Variants in AMPH observed in about 807,000 individuals in gnomAD.
The protein encoded by AMPH is amphiphysin (Stiff-Mann syndrome with breast cancer 128kD autoantigen).
A neutral mutation model predicts 99.1 loss-of-function variants in AMPH; 49 were observed. The ratio of observed to expected loss-of-function variants is 0.49; its 90% confidence interval spans 0.39 to 0.63. The LOEUF is 0.63. Ranked by LOEUF, AMPH falls within the 20% of genes least tolerant of loss-of-function variation. AMPH has a pLI of 0.00. For missense variants in AMPH, 759 were observed against 863.4 expected (o/e 0.88, Z 1.52); for synonymous variants, 314 against 317.3 (o/e 0.99, Z 0.11).
At chr7:38,553,124 C>T (rs1396377496) in intron 1 of AMPH, among the ~76,000 whole-genome samples, 1 of 152,182 alleles carries the variant, frequency 6.6e-6, no homozygotes, top group Non-Finnish European at 1.5e-5. Context: ...GTCTGGAGAC[C>T]TCTCCTTTAT....
intron 1 of AMPH, among the ~76,000 whole-genome samples, chr7:38,562,122 G>A (rs1336205904): frequency 2.0e-5 from 3 of 152,062 alleles, no homozygotes; most frequent in Non-Finnish European, 4.4e-5. Context: ...TTCATGGAAG[G>A]AAACGTGAGG....
intron 2 of AMPH, among the ~76,000 whole-genome samples, chr7:38,513,462 T>C (rs1308407992): frequency 6.6e-6 from 1 of 152,122 alleles, no homozygotes; most frequent in African/African-American, 2.4e-5. Flanking sequence ...GAATACCAAT[T>C]GGGTTGAGAG....
intron 17 of AMPH, among the ~76,000 whole-genome samples, chr7:38,412,324 G>A (rs564160438): frequency 6.6e-6 from 1 of 152,238 alleles, no homozygotes; most frequent in South Asian, 2.1e-4. Flanking sequence ...CCTCAATAGT[G>A]GAAGAACAAC....
intron 1 of AMPH, among the ~76,000 whole-genome samples, chr7:38,570,927 T>TTATA (rs142367196): frequency 0.041 from 819 of 19,988 alleles, 92 homozygotes; most frequent in African/African-American, 0.066. Flanking sequence ...ACAAAAAAAT[T>TTATA]TATATATATA....
chr7:38,535,119 C>T, intron 1 of AMPH, 108 bp from the exon 2 acceptor site: 1 of 869,952 alleles, frequency 1.1e-6, no homozygotes, highest in Non-Finnish European at 1.8e-6. Flanking sequence ...AGGAGTAGAG[C>T]AAAACTATCA....
At chr7:38,392,057 G>C (rs1214697399) in intron 18 of AMPH, 40 bp from the exon 19 acceptor site, 1 of 1,592,048 alleles carries the variant, frequency 6.3e-7, no homozygotes, top group East Asian at 2.2e-5. Flanking sequence ...GGCAGGGCCT[G>C]GAAAACAGAA....
At chr7:38,435,526 G>A (rs35771266) in intron 12 of AMPH, among the ~76,000 whole-genome samples, 47,697 of 152,050 alleles carry the variant, frequency 0.31, 8,551 homozygotes, top group Non-Finnish European at 0.42. Context: ...AACAGTTTCT[G>A]TTTTGTCAAA....
At chr7:38,592,767 T>A (rs1225756506) in intron 1 of AMPH, among the ~76,000 whole-genome samples, 1 of 151,434 alleles carries the variant, frequency 6.6e-6, no homozygotes, top group Admixed American at 6.6e-5. Context: ...TCCCACTGTG[T>A]GGTCTCACCT....
At chr7:38,534,161 T>C (rs995930594) in intron 2 of AMPH, among the ~76,000 whole-genome samples, 4 of 152,192 alleles carry the variant, frequency 2.6e-5, no homozygotes, top group African/African-American at 9.7e-5. Context: ...TGTTTATCTA[T>C]GCTTTATACA....
chr7:38,434,782 A>T (rs1424936471), intron 12 of AMPH, among the ~76,000 whole-genome samples: 1 of 151,938 alleles, frequency 6.6e-6, no homozygotes, highest in Admixed American at 6.6e-5. Flanking sequence ...AAGGCAGAGG[A>T]AATCCTGTGA....
At chr7:38,602,917 T>G (rs986841115) in intron 1 of AMPH, among the ~76,000 whole-genome samples, 3 of 152,078 alleles carry the variant, frequency 2.0e-5, no homozygotes, top group Admixed American at 2.0e-4. Flanking sequence ...TGTATCGTCT[T>G]CAAAAAGTCA....
intron 1 of AMPH, among the ~76,000 whole-genome samples, chr7:38,604,297 A>G (rs1793355233): frequency 6.6e-6 from 1 of 152,258 alleles, no homozygotes; most frequent in African/African-American, 2.4e-5. Flanking sequence ...AGGCAGACGA[A>G]TTTTGACTAT....
chr7:38,542,122 A>AGG (rs1790829444), intron 1 of AMPH, among the ~76,000 whole-genome samples: 1 of 152,218 alleles, frequency 6.6e-6, no homozygotes, highest in Non-Finnish European at 1.5e-5. Context: ...CCTAGCATCC[A>AGG]AGATGGTCCT....
chr7:38,395,721 CATCTTAAGTTAGGAAGGCCCTAA>C (rs1252150399), intron 17 of AMPH, among the ~76,000 whole-genome samples: 3 of 152,208 alleles, frequency 2.0e-5, no homozygotes, highest in Non-Finnish European at 4.4e-5. Context: ...TCCAGTTCAA[CATCTTAAGTTAGGAAGGCCCTAA>C]TATTGCAAAT....
At position 38,483,554 on chromosome 7, in the gene AMPH, T is replaced by C. The variant is rs546280969; in HGVS notation, c.397-6585A>G. Reference sequence around the variant, plus strand: ...TCTTGCTTGTCTCAGAGCACTGAAATGACCCAGCATTCTCTAGATGCCTAG... The same window carrying C: ...TCTTGCTTGTCTCAGAGCACTGAAACGACCCAGCATTCTCTAGATGCCTAG... On this transcript the variant is annotated intron_variant, in intron 5 of 20. Transcript: ENST00000356264. 5.3e-5 allele frequency among the ~76,000 whole-genome samples: 8 copies of C among 152,226 alleles called. No individual in the cohort carries two copies. In the East Asian group the frequency reaches 1.4e-3, roughly 26 times the overall value.
intron 2 of AMPH, among the ~76,000 whole-genome samples, chr7:38,515,806 A>G (rs1789717395): frequency 6.6e-6 from 1 of 152,252 alleles, no homozygotes; most frequent in South Asian, 2.1e-4. Flanking sequence ...TGATAGTGAT[A>G]TAGTCAATGA....
At chr7:38,430,717 C>G (rs1176860273) in intron 13 of AMPH, among the ~76,000 whole-genome samples, 9 of 152,120 alleles carry the variant, frequency 5.9e-5, no homozygotes, top group African/African-American at 2.2e-4. Flanking sequence ...TCCATGCATG[C>G]CTTTTTGTGA....
intron 11 of AMPH, among the ~76,000 whole-genome samples, chr7:38,445,880 G>A (rs1381660783): frequency 1.3e-5 from 2 of 152,066 alleles, no homozygotes; most frequent in African/African-American, 4.8e-5. Flanking sequence ...ATCCTCCCTT[G>A]GTACTGTATA....
At chr7:38,407,048 C>CTCTCTCTCTATA (rs1241166935) in intron 17 of AMPH, among the ~76,000 whole-genome samples, 1 of 31,262 alleles carries the variant, frequency 3.2e-5, no homozygotes, top group Non-Finnish European at 6.1e-5. Flanking sequence ...CTCTCTCTCT[C>CTCTCTCTCTATA]TATATATATA....
Sources: allele counts gnomAD v4.1 joint callset (sites outside exome capture counted in the v4.1 genomes callset), GRCh38; gene constraint gnomAD v4.1.1; transcripts MANE v1.5; gene names NCBI Gene and HGNC (gene_info 2026-07-23, HGNC 2026-07-21).